Variants in URB1 observed in about 807,000 individuals in gnomAD.
The protein encoded by URB1 is URB1 ribosome biogenesis factor.
A neutral mutation model predicts 242.3 loss-of-function variants in URB1; 197 were observed. The ratio of observed to expected loss-of-function variants is 0.81; its 90% CI spans 0.72 to 0.91. URB1 has a LOEUF of 0.91. Among genes scored for constraint, URB1 ranks in the 40% least tolerant of loss-of-function variants. URB1 has a pLI of 0.00. For missense variants in URB1, 2,721 were observed against 2,860.5 expected, an observed-to-expected ratio of 0.95 and a Z score of 1.11; for synonymous variants, 1,153 against 1,201.8, an observed-to-expected ratio of 0.96 and a Z score of 0.84.
At chr21:32,317,318 T>G (rs970450109) in intron 37 of URB1, among the ~76,000 whole-genome samples, 8 of 152,204 alleles carry the variant, frequency 5.3e-5, no homozygotes, top group Admixed American at 4.6e-4. Context: ...ACACAGGGAA[T>G]CAGGACAGCA....
intron 20 of URB1, among the ~76,000 whole-genome samples, chr21:32,350,491 C>T (rs143076926): frequency 1.3e-5 from 2 of 152,336 alleles, no homozygotes; most frequent in African/African-American, 4.8e-5. Context: ...CCAGGCTGCC[C>T]TGAAAACAAA....
In URB1 at chr21:32,334,249, C is replaced by T. The variant is rs771478306; in HGVS notation, c.4771G>A (p.Gly1591Arg). ...CGGTCCAGCAGGCGAAGGATGTCCC[C>T]GACACTCGGCTGCTGCCACAGTGAC... ...GRSLWQQPSVGDILRLLDRDR... is the reference protein window; with the variant it reads ...GRSLWQQPSVRDILRLLDRDR... Residue 1591 changes from glycine to arginine, a missense_variant, in exon 29 of 39, where the codon GGG becomes AGG. By Grantham distance (125) the Gly-to-Arg change is moderately radical. Transcript: ENST00000382751. The T allele has an allele frequency of 1.7e-5, 27 of 1,551,352 alleles. No homozygotes were observed. Among genetic ancestry groups the T allele is most frequent in the Non-Finnish European group, 2.1e-5 (24 of 1,146,954 alleles).
At chr21:32,336,029 C>T (rs188126561) in intron 28 of URB1, among the ~76,000 whole-genome samples, 10 of 152,178 alleles carry the variant, frequency 6.6e-5, no homozygotes, top group Non-Finnish European at 1.0e-4. Context: ...TGATAAAACC[C>T]GCCTCCGACT....
chr21:32,347,860 G>A, intron 21 of URB1, 49 bp from the exon 22 acceptor site: 1 of 1,481,280 alleles, frequency 6.8e-7, no homozygotes, highest in Non-Finnish European at 8.9e-7. Flanking sequence ...ACAGGGCTAA[G>A]ACAGGGGCGG....
intron 19 of URB1, 73 bp downstream of exon 19, chr21:32,352,637 G>A (rs1439577971): frequency 6.5e-7 from 1 of 1,532,378 alleles, no homozygotes; most frequent in Non-Finnish European, 8.8e-7. Flanking sequence ...CTGCACAGCT[G>A]TGGCCCAGCC....
chr21:32,360,579 T>C (rs2033271862), intron 13 of URB1, among the ~76,000 whole-genome samples: 1 of 152,216 alleles, frequency 6.6e-6, no homozygotes, highest in African/African-American at 2.4e-5. Context: ...TTGTTACTTT[T>C]ACAAGTTTGA....
intron 2 of URB1, 95 bp from the exon 3 acceptor site, chr21:32,384,559 G>C: frequency 6.9e-7 from 1 of 1,444,926 alleles, no homozygotes; most frequent in South Asian, 1.4e-5. Flanking sequence ...TTACTTGTAG[G>C]CTTAAAGCCT....
Position 32,373,752 on chromosome 21 carries a change from G to A in URB1, c.771C>T (p.Ile257=). 6.5e-7 allele frequency: 1 copy of A among 1,543,038 alleles called. No homozygotes were observed. The highest frequency in any genetic ancestry group is 2.5e-5 in the East Asian group (1 of 40,434). ...LKTKVVHNKN[I]TKTQKVRFFT... is the part of the protein sequence containing the mutation. The stretch of plus-strand genomic sequence containing the variant: ...AGAAACGCACCTTCTGGGTTTTTGT[G>A]ATATTTTTATTGTGAACTACCTGAA... Residue 257 remains isoleucine (I), a synonymous_variant, in exon 7 of 39, where the codon ATC becomes ATT. Coordinates refer to ENST00000382751, the MANE Select transcript of URB1 (RefSeq NM_014825.3).
At position 32,354,842 on chromosome 21, in the gene URB1, A is replaced by G; in HGVS notation, c.2245+17T>C. ...GTCTTCAGACCTCTGAGCAGCGCAG[A>G]ACAGAATGGAACATACCGTCAATGT... On this transcript the variant is annotated intron_variant, in intron 17 of 38. Coordinates refer to ENST00000382751, the MANE Select transcript of URB1 (RefSeq NM_014825.3). 2 of 1,551,702 alleles carry G rather than the reference A, an allele frequency of 1.3e-6. No individual in the cohort carries two copies. Among genetic ancestry groups the G allele is most frequent in the Non-Finnish European group, 1.7e-6 (2 of 1,146,778 alleles).
rs1254253390 is a variant in URB1 at position 32,322,524 on chromosome 21, T to C, written c.5294A>G (p.Asp1765Gly). The stretch of plus-strand genomic sequence containing the variant: ...GAACTGGTAGAAGCCTGGCACTTTG[T>C]CCATGTTCAAGTACTCATGCGACAG... ...FLLSHEYLNM[D>G]KVPGFYQFFY... The change falls in exon 33 of 39, where the codon GAC becomes GGC. Residue 1765 changes from aspartate to glycine, a missense_variant. By Grantham distance (94) the Asp-to-Gly change is moderately conservative (BLOSUM62 -1). Transcript: ENST00000382751. 1.9e-6 allele frequency: 3 copies of C among 1,552,150 alleles called. No homozygotes were observed. The highest frequency in any genetic ancestry group is 2.6e-6 in the Non-Finnish European group (3 of 1,147,110).
intron 38 of URB1, 45 bp downstream of exon 38, chr21:32,316,421 T>C: frequency 6.8e-7 from 1 of 1,463,208 alleles, no homozygotes; most frequent in Non-Finnish European, 9.0e-7. Context: ...CCAGGCCCAC[T>C]TCTGCATCTA....
chr21:32,347,178 C>A lies in URB1; in HGVS notation c.3646G>T (p.Ala1216Ser), dbSNP rs1344842580. The change falls in exon 22 of 39, where the codon GCT becomes TCT. Residue 1216 changes from alanine to serine, a missense_variant. Coordinates refer to ENST00000382751, the MANE Select transcript of URB1 (RefSeq NM_014825.3). ...RDPVLAPAVG[A>S]DLLDYCLARR... Reference sequence around the variant, plus strand: ...GCCAGGCAGTAGTCAAGCAGATCAGCCCCGACTGCGGGGGCCAGCACAGGG... The same window carrying A: ...GCCAGGCAGTAGTCAAGCAGATCAGACCCGACTGCGGGGGCCAGCACAGGG... 4.5e-6 allele frequency: 7 copies of A among 1,549,514 alleles called. No individual in the cohort carries two copies. The highest frequency in any genetic ancestry group is 6.1e-6 in the Non-Finnish European group (7 of 1,146,556).
chr21:32,328,282 C>A (rs757599830), intron 30 of URB1, among the ~76,000 whole-genome samples: 7 of 152,210 alleles, frequency 4.6e-5, no homozygotes, highest in Non-Finnish European at 8.8e-5. Flanking sequence ...GGACTACAGG[C>A]ATGTGCCACC....
At chr21:32,353,556 T>C (rs2033182874) in intron 18 of URB1, among the ~76,000 whole-genome samples, 1 of 152,202 alleles carries the variant, frequency 6.6e-6, no homozygotes, top group Non-Finnish European at 1.5e-5. Context: ...GCTACTATAA[T>C]CTGTGAGCAC....
Position 32,311,408 on chromosome 21 carries a change from A to AG in URB1, c.*3509_*3510insC. 4.7e-6 allele frequency: 1 copy of AG among 212,656 alleles called. No homozygotes were observed. The allele number at this position is 212,656 out of a possible 1,614,324, so 13.2% of individuals were successfully genotyped here. A position where few individuals can be genotyped will look rare whatever the true frequency, so the allele number is the denominator to read the frequency against. ...ATGGGAGGTCAACCTGCTCCCCTCC[A>AG]CCCCCCACCCCCCCCATCCTAAATC... On this transcript the variant is annotated 3_prime_UTR_variant, in exon 39 of 39. Transcript: ENST00000382751.
Position 32,349,403 on chromosome 21 carries a change from C to T in URB1, c.2913G>A (p.Leu971=). The T allele has an allele frequency of 1.9e-6, 3 of 1,551,528 alleles. No homozygotes were observed. Among genetic ancestry groups the T allele is most frequent in the East Asian group, 2.4e-5 (1 of 40,910 alleles). ...CGCATCTCTGCTGGTTCTGGGCATC[C>T]AGCTGCTCACAGTGGACAACCAGGC... The part of the protein sequence containing the change: ...LRRLVVHCEQ[L]DAQNQQRCEA... Residue 971 remains leucine, a synonymous_variant, in exon 21 of 39, where the codon CTG becomes CTA. Transcript: ENST00000382751.
rs760383139 is a variant in URB1, at chr21:32,385,590, G to T, written c.237C>A (p.Val79=). Residue 79 remains valine (V), a synonymous_variant, in exon 2 of 39, where the codon GTC becomes GTA. Transcript: ENST00000382751. ...EGYIKISVEC[V]EIFQLLSGEK... is the part of the protein sequence containing the mutation. ...CTCCACTTAGGAGCTGGAAAATTTC[G>T]ACACACTCAACAGAAATCTTTATAT... The T allele has an allele frequency of 2.6e-6, 4 of 1,551,678 alleles. No homozygotes were observed. Among genetic ancestry groups the T allele is most frequent in the Non-Finnish European group, 3.5e-6 (4 of 1,146,972 alleles).
At position 32,363,145 on chromosome 21, in the gene URB1, T is replaced by C; in HGVS notation, c.1509+11A>G. 6.5e-7 allele frequency: 1 copy of C among 1,549,766 alleles called. No homozygotes were observed. Among genetic ancestry groups the C allele is most frequent in the Non-Finnish European group, 8.7e-7 (1 of 1,146,212 alleles). ...TCTGGAAGGAAAGCCCAAACCCAGA[T>C]CAGAGCCTACCTTGCTCAGGGCTTC... On this transcript the variant is annotated intron_variant, in intron 11 of 38. Transcript: ENST00000382751.
Position 32,316,316 on chromosome 21 carries a change from C to T in URB1, c.6634+150G>A, listed in dbSNP as rs548597413. ...GCCCAGTGGCAAGCTCTCTGCAACC[C>T]CAGAACCGTAAGGGGCCACCTAAAC... is the stretch of plus-strand genomic sequence containing the variant. On this transcript the variant is annotated intron_variant, in intron 38 of 38. Transcript: ENST00000382751. 66 of 1,285,188 alleles carry T rather than the reference C, an allele frequency of 5.1e-5. 1 individual carries two copies. The South Asian group carries it at 1.0e-3, about 20-fold the overall frequency. 79.6% of individuals were successfully genotyped at this position (1,285,188 alleles called of 1,614,324 possible).
Sources: allele counts gnomAD v4.1 joint callset (sites outside exome capture counted in the v4.1 genomes callset), GRCh38; gene constraint gnomAD v4.1.1; transcripts MANE v1.5; gene names NCBI Gene and HGNC (gene_info 2026-07-23, HGNC 2026-07-21).